LEKR1: variants seen among roughly 807,000 people sequenced by gnomAD.
The protein encoded by LEKR1 is protein LEKR1.
Under a neutral mutation model 72.4 loss-of-function variants are expected in LEKR1, and 59 were observed. The observed-to-expected ratio is 0.82, with a 90% confidence interval of 0.66 to 1.01. LEKR1 has a LOEUF of 1.01. LEKR1 is among the 50% of genes least tolerant of loss of function. The pLI is 0.00. For missense variants in LEKR1, 728 were observed against 759.2 expected (o/e 0.96, Z 0.48); for synonymous variants, 257 against 263.2 (o/e 0.98, Z 0.23).
chr3:156,886,968 C>T (rs1475259922), intron 3 of LEKR1, among the ~76,000 whole-genome samples: 1 of 152,216 alleles, frequency 6.6e-6, no homozygotes, highest in Non-Finnish European at 1.5e-5. Flanking sequence ...TGAGTCTCCA[C>T]ATGCTGTTTT....
chr3:157,025,811 A>G (rs565049148), intron 11 of LEKR1, among the ~76,000 whole-genome samples: 1 of 152,046 alleles, frequency 6.6e-6, no homozygotes, highest in East Asian at 1.9e-4. Flanking sequence ...GGATCACTTG[A>G]GGCCAGGAAT....
rs770223316 is a variant in LEKR1, at chr3:157,028,346, A to G, written c.1612A>G (p.Arg538Gly). 45 of 1,612,942 alleles carry G rather than the reference A, an allele frequency of 2.8e-5. No homozygotes were observed. The highest frequency in any genetic ancestry group is 3.3e-5 in the Non-Finnish European group (39 of 1,179,562). ...EMEQKSDELK[R>G]VMLAQTQLIE... ...GGAACAGAAGTCGGATGAACTGAAA[A>G]GAGTAATGCTGGCTCAAACACAACT... The change falls in exon 12 of 13, where the codon AGA becomes GGA. Residue 538 changes from arginine (R) to glycine (G), a missense_variant. Transcript: ENST00000356539.
Position 157,017,966 on chromosome 3 carries a change from A to G in LEKR1, c.1203+6460A>G, listed in dbSNP as rs947812966. Among the ~76,000 whole-genome samples the G allele has an allele frequency of 3.8e-4, 57 of 150,598 alleles. 2 individuals are homozygous for G. Among genetic ancestry groups the G allele is most frequent in the Middle Eastern group, 3.4e-3 (1 of 294 alleles). ...TCTGTCTCAAAAAAAAAAAAAAAAA[A>G]AAAAAAGAAAGCTGGAGTAGCTATA... On this transcript the variant is annotated intron_variant, in intron 10 of 12. Transcript: ENST00000356539.
chr3:156,859,621 C>T (rs1049837184), intron 3 of LEKR1, among the ~76,000 whole-genome samples: 4 of 152,116 alleles, frequency 2.6e-5, no homozygotes, highest in Admixed American at 6.6e-5. Context: ...GTTTACATTA[C>T]GTTTTACTCT....
chr3:156,986,779 C>T (rs955814560), intron 7 of LEKR1, among the ~76,000 whole-genome samples: 2 of 152,176 alleles, frequency 1.3e-5, no homozygotes, highest in East Asian at 3.8e-4. Flanking sequence ...GCACAAGATA[C>T]ATAATGTGTT....
intron 3 of LEKR1, among the ~76,000 whole-genome samples, chr3:156,870,132 A>C (rs1434399475): frequency 6.6e-6 from 1 of 151,894 alleles, no homozygotes; most frequent in African/African-American, 2.4e-5. Context: ...TTGAAGTCAG[A>C]TGGTGTGGTG....
intron 10 of LEKR1, among the ~76,000 whole-genome samples, chr3:157,014,174 A>G (rs1001613541): frequency 6.6e-6 from 1 of 152,112 alleles, no homozygotes; most frequent in Admixed American, 6.6e-5. Context: ...TTACATGATC[A>G]AATCGCATTA....
intron 3 of LEKR1, among the ~76,000 whole-genome samples, chr3:156,901,124 C>T (rs1721992058): frequency 6.6e-6 from 1 of 152,114 alleles, no homozygotes; most frequent in Non-Finnish European, 1.5e-5. Context: ...ATCCACTGTG[C>T]CTAGCTTGAT....
intron 3 of LEKR1, among the ~76,000 whole-genome samples, chr3:156,918,975 C>T (rs1219451819): frequency 6.6e-6 from 1 of 152,138 alleles, no homozygotes; most frequent in Non-Finnish European, 1.5e-5. Flanking sequence ...GCAGATTCCT[C>T]ATGAATAGAT....
At chr3:156,926,274 C>A (rs1414964515) in intron 4 of LEKR1, among the ~76,000 whole-genome samples, 1 of 151,940 alleles carries the variant, frequency 6.6e-6, no homozygotes, top group Non-Finnish European at 1.5e-5. Context: ...ACAATTTAAT[C>A]ACTTTCCAAG....
chr3:156,968,171 A>T (rs1728805621), intron 6 of LEKR1, among the ~76,000 whole-genome samples: 1 of 152,244 alleles, frequency 6.6e-6, no homozygotes, highest in African/African-American at 2.4e-5. Flanking sequence ...CTGCAAAAAC[A>T]TGACAAATTG....
Position 156,981,120 on chromosome 3 carries a change from C to T in LEKR1, c.827+1845C>T, listed in dbSNP as rs539670319. Among the ~76,000 whole-genome samples the T allele has an allele frequency of 3.3e-5, 5 of 152,266 alleles. No homozygotes were observed. In the East Asian group the frequency reaches 9.6e-4, roughly 29 times the overall value. ...AGGTTTGTAGCCTAGGAACAATAGG[C>T]TATATCGTATAGCCTACGTGTGTAG... is the stretch of plus-strand genomic sequence containing the variant. On this transcript the variant is annotated intron_variant, in intron 7 of 12. Transcript: ENST00000356539.
chr3:156,900,298 T>C (rs942365795), intron 3 of LEKR1, among the ~76,000 whole-genome samples: 1 of 152,174 alleles, frequency 6.6e-6, no homozygotes, highest in Admixed American at 6.6e-5. Flanking sequence ...AACAACACTC[T>C]GCAAGACAGA....
intron 12 of LEKR1, among the ~76,000 whole-genome samples, chr3:157,035,705 C>T (rs1734919546): frequency 6.6e-6 from 1 of 152,100 alleles, no homozygotes; most frequent in African/African-American, 2.4e-5. Context: ...TTGGGACCAG[C>T]CTGGCCAACA....
chr3:156,858,690 A>AAAT (rs1716392250), intron 3 of LEKR1, among the ~76,000 whole-genome samples: 2 of 150,036 alleles, frequency 1.3e-5, no homozygotes, highest in Non-Finnish European at 3.0e-5. Flanking sequence ...AAAAAAAAAA[A>AAAT]AATCTGTTTT....
chr3:156,893,645 T>C (rs1449882504), intron 3 of LEKR1, among the ~76,000 whole-genome samples: 4 of 152,138 alleles, frequency 2.6e-5, no homozygotes, highest in African/African-American at 9.7e-5. Flanking sequence ...AGATGCCTGC[T>C]CCCCCTTTGC....
At chr3:157,021,223 A>T (rs1338004308) in intron 10 of LEKR1, among the ~76,000 whole-genome samples, 1 of 151,784 alleles carries the variant, frequency 6.6e-6, no homozygotes, top group African/African-American at 2.4e-5. Context: ...CTCCCATTTT[A>T]TAGGTTGCCT....
intron 6 of LEKR1, among the ~76,000 whole-genome samples, chr3:156,963,840 C>T (rs956332197): frequency 1.1e-4 from 17 of 152,214 alleles, no homozygotes; most frequent in Admixed American, 6.5e-5. Context: ...CAGAACTTTA[C>T]TACCAGATTT....
At chr3:156,865,241 G>T (rs2108543874) in intron 3 of LEKR1, among the ~76,000 whole-genome samples, 1 of 152,140 alleles carries the variant, frequency 6.6e-6, no homozygotes, top group East Asian at 1.9e-4. Flanking sequence ...AGATTGCCTG[G>T]ATTTGAATCC....
Sources: gnomAD v4.1 joint callset for allele counts (sites outside exome capture counted in the v4.1 genomes callset) on GRCh38, gnomAD v4.1.1 for gene constraint, MANE v1.5 for transcripts, NCBI Gene and HGNC (gene_info 2026-07-23, HGNC 2026-07-21) for gene names.